Variants in FRMD4A observed in about 807,000 individuals in gnomAD.
FRMD4A encodes FERM domain containing 4A.
In FRMD4A, 29 loss-of-function variants were observed where a neutral mutation model predicts 129.1. The observed-to-expected ratio is 0.22, with a 90% CI of 0.17 to 0.31. The LOEUF (loss-of-function observed/expected upper bound fraction) is 0.31. FRMD4A is among the 10% of genes least tolerant of loss of function. The pLI, the probability that FRMD4A is intolerant of heterozygous loss-of-function variation, is 1.00. For missense variants in FRMD4A, 1,272 were observed against 1,375.8 expected, an observed-to-expected ratio of 0.92 and a Z score of 1.19; for synonymous variants, 634 against 571.6, an observed-to-expected ratio of 1.11 and a Z score of -1.56.
intron 2 of FRMD4A, among the ~76,000 whole-genome samples, chr10:14,152,215 C>T (rs1037933132): frequency 1.4e-5 from 2 of 147,372 alleles, no homozygotes; most frequent in African/African-American, 5.0e-5. Flanking sequence ...GCAAGCTCCA[C>T]CTCCTGGGTT....
At chr10:14,219,224 C>G (rs1406769995) in intron 2 of FRMD4A, among the ~76,000 whole-genome samples, 1 of 152,070 alleles carries the variant, frequency 6.6e-6, no homozygotes, top group Admixed American at 6.5e-5. Flanking sequence ...GGTAGGTTCC[C>G]TTTGTGACCA....
intron 6 of FRMD4A, among the ~76,000 whole-genome samples, chr10:13,771,817 C>T (rs185549601): frequency 1.1e-4 from 17 of 152,122 alleles, no homozygotes; most frequent in South Asian, 4.1e-4. Context: ...CGGTGGCTCA[C>T]GCCTGTAATC....
chr10:14,044,703 C>T lies in FRMD4A; in HGVS notation c.46-185791G>A, dbSNP rs1209020208. On this transcript the variant is annotated intron_variant, in intron 2 of 24. Transcript: ENST00000357447. ...TCAATTTCATACTTCTAGACTTGGG[C>T]ACTGTGGAAGAACAGATTTCTGTTG... Among the ~76,000 whole-genome samples the T allele has an allele frequency of 3.9e-5, 6 of 152,206 alleles. No individual in the cohort carries two copies. The East Asian group carries it at 1.2e-3, about 29-fold the overall frequency.
At chr10:13,990,395 G>T (rs1450021553) in intron 2 of FRMD4A, among the ~76,000 whole-genome samples, 1 of 152,214 alleles carries the variant, frequency 6.6e-6, no homozygotes, top group East Asian at 1.9e-4. Flanking sequence ...CCAGAGACGT[G>T]CCTTCCTCTT....
In FRMD4A at chr10:14,330,098, G is replaced by A; in HGVS notation, c.5C>T (p.Ala2Val). The change falls in exon 2 of 25, where the codon GCA (alanine) becomes GTA (valine). Residue 2 changes from alanine (A) to valine (V), a missense_variant. This residue lies in a region of FRMD4A where 300 missense variants were observed against 483.6 expected (regional missense o/e 0.62). Coordinates refer to ENST00000357447, the MANE Select transcript of FRMD4A (RefSeq NM_018027.5). M[A>V]VQLVPDSALG... ...AGCTGAGTCGGGCACCAGCTGCACT[G>A]CCATGGTCTCCGATTCCCATGCACG... The A allele has an allele frequency of 6.4e-7, 1 of 1,552,938 alleles. No homozygotes were observed. Among genetic ancestry groups the A allele is most frequent in the Non-Finnish European group, 8.7e-7 (1 of 1,147,660 alleles).
At chr10:14,184,794 C>T (rs2131907588) in intron 2 of FRMD4A, among the ~76,000 whole-genome samples, 1 of 152,178 alleles carries the variant, frequency 6.6e-6, no homozygotes, top group Middle Eastern at 3.4e-3. Context: ...AGAATAAAGG[C>T]GCATTTTCTT....
chr10:13,784,388 A>AAAC (rs201504161), intron 5 of FRMD4A, among the ~76,000 whole-genome samples: 1 of 152,234 alleles, frequency 6.6e-6, no homozygotes, highest in African/African-American at 2.4e-5. Context: ...ACTACAATGT[A>AAAC]AACAACAACA....
At chr10:13,668,836 C>T (rs7093256) in intron 17 of FRMD4A, among the ~76,000 whole-genome samples, 58,524 of 151,904 alleles carry the variant, frequency 0.39, 11,919 homozygotes, top group East Asian at 0.77. Flanking sequence ...TGGAAATACC[C>T]GACCTCAATC....
intron 2 of FRMD4A, among the ~76,000 whole-genome samples, chr10:13,998,064 C>T (rs912072224): frequency 2.0e-5 from 3 of 152,234 alleles, no homozygotes; most frequent in African/African-American, 7.2e-5. Flanking sequence ...ACTGGCTGCT[C>T]TCTGCTCATC....
At chr10:14,260,023 C>CA (rs11288245) in intron 2 of FRMD4A, among the ~76,000 whole-genome samples, 2,928 of 132,748 alleles carry the variant, frequency 0.022, 72 homozygotes, top group African/African-American at 0.062. Context: ...CTAGAAATGG[C>CA]AAAAAAAAAA....
intron 5 of FRMD4A, among the ~76,000 whole-genome samples, chr10:13,791,456 T>TGAGA (rs3032916): frequency 0.63 from 95,399 of 150,872 alleles, 30,800 homozygotes; most frequent in East Asian, 0.72. Flanking sequence ...GGTGTGTGTG[T>TGAGA]GAGAGAAAGG....
At chr10:13,685,769 C>T in intron 15 of FRMD4A, 1 of 250,116 alleles carries the variant, frequency 4.0e-6, no homozygotes, top group Non-Finnish European at 6.3e-6. Flanking sequence ...CATTGCACCA[C>T]TGCACTCAGG....
At chr10:13,650,697 T>A (rs1048887849) in intron 24 of FRMD4A, among the ~76,000 whole-genome samples, 1 of 152,180 alleles carries the variant, frequency 6.6e-6, no homozygotes. Context: ...CTGTCAACTT[T>A]GCAATATTGT....
intron 2 of FRMD4A, among the ~76,000 whole-genome samples, chr10:14,126,711 G>A (rs990949086): frequency 3.3e-5 from 5 of 152,220 alleles, no homozygotes; most frequent in African/African-American, 9.6e-5. Flanking sequence ...CCTCAAGGTA[G>A]AAGTATAATC....
At chr10:13,716,333 C>G (rs1247158663) in intron 12 of FRMD4A, among the ~76,000 whole-genome samples, 1 of 152,194 alleles carries the variant, frequency 6.6e-6, no homozygotes, top group Non-Finnish European at 1.5e-5. Context: ...TAAGATGACT[C>G]AGTCTTACAC....
intron 2 of FRMD4A, among the ~76,000 whole-genome samples, chr10:13,865,603 A>AC (rs2094357173): frequency 6.6e-6 from 1 of 150,888 alleles, no homozygotes; most frequent in African/African-American, 2.4e-5. Flanking sequence ...GGCACACACC[A>AC]CCATGCCCAG....
At chr10:13,781,401 A>G (rs1197222980) in intron 6 of FRMD4A, among the ~76,000 whole-genome samples, 5 of 108,290 alleles carry the variant, frequency 4.6e-5, no homozygotes, top group Non-Finnish European at 8.9e-5. Context: ...TTTCTGAGAC[A>G]GAGTTTTGCT....
chr10:14,013,863 G>A (rs535227047), intron 2 of FRMD4A, among the ~76,000 whole-genome samples: 4 of 152,274 alleles, frequency 2.6e-5, no homozygotes, highest in Non-Finnish European at 4.4e-5. Context: ...CCTGGGAGGC[G>A]GAGGTTGCAG....
intron 2 of FRMD4A, chr10:13,971,757 A>T (rs1328503696): frequency 1.5e-6 from 2 of 1,304,434 alleles, no homozygotes; most frequent in Middle Eastern, 4.3e-4. Flanking sequence ...GTCAGGTTCC[A>T]ACTCCACGGT....
Sources: allele counts gnomAD v4.1 joint callset (sites outside exome capture counted in the v4.1 genomes callset), GRCh38; gene constraint gnomAD v4.1.1; regional missense constraint gnomAD v4.1.1; transcripts MANE v1.5; gene names NCBI Gene and HGNC (gene_info 2026-07-23, HGNC 2026-07-21).